The following OTOG variants were observed in gnomAD, a reference collection of about 807,000 sequenced individuals.
The protein encoded by OTOG is otogelin.
In OTOG, 296 loss-of-function variants were observed where a neutral mutation model predicts 313.8. The observed-to-expected ratio is 0.94, with a 90% confidence interval of 0.86 to 1.04. The LOEUF (loss-of-function observed/expected upper bound fraction) is 1.04. Among genes scored for constraint, OTOG ranks in the 50% least tolerant of loss-of-function variants. The pLI is 0.00. For missense variants in OTOG, 3,948 were observed against 3,840.1 expected (o/e 1.03, Z -0.74); for synonymous variants, 1,533 against 1,554.9 (o/e 0.99, Z 0.33).
At position 17,610,505 on chromosome 11, in the gene OTOG, C is replaced by T; in HGVS notation, c.5205C>T (p.Gly1735=). 1.3e-6 allele frequency: 2 copies of T among 1,550,604 alleles called. No homozygotes were observed. Among genetic ancestry groups the T allele is most frequent in the Non-Finnish European group, 1.7e-6 (2 of 1,146,970 alleles). Reference sequence around the variant, plus strand: ...AAGCCGGGCACAGCCAGCCCATGGGCTCGCCTGCCTCCCCACAGCCACACC... The same window carrying T: ...AAGCCGGGCACAGCCAGCCCATGGGTTCGCCTGCCTCCCCACAGCCACACC... ...KGEAGHSQPM[G]SPASPQPHPL... is the part of the protein sequence containing the mutation. Residue 1735 remains glycine (G), a synonymous_variant, in exon 36 of 56, where the codon GGC becomes GGT. Transcript: ENST00000399397.
At chr11:17,614,060 C>A (rs533656027) in intron 39 of OTOG, among the ~76,000 whole-genome samples, 1 of 152,146 alleles carries the variant, frequency 6.6e-6, no homozygotes, top group Non-Finnish European at 1.5e-5. Context: ...ACCAGGACCC[C>A]TACCAGGAAG....
intron 19 of OTOG, 38 bp from the exon 20 acceptor site, chr11:17,574,682 A>G: frequency 6.6e-7 from 1 of 1,525,298 alleles, no homozygotes; most frequent in Non-Finnish European, 8.9e-7. Flanking sequence ...TGTGGGGATG[A>G]GGGAGACAAA....
intron 45 of OTOG, 41 bp from the exon 46 acceptor site, chr11:17,635,039 C>A (rs1213217499): frequency 2.0e-6 from 3 of 1,536,256 alleles, no homozygotes; most frequent in Non-Finnish European, 1.8e-6. Context: ...GGTGGCCAGG[C>A]AGGTTCCTCT....
intron 32 of OTOG, 108 bp from the exon 33 acceptor site, chr11:17,605,749 C>A (rs763152522): frequency 2.4e-6 from 3 of 1,247,618 alleles, no homozygotes; most frequent in Non-Finnish European, 3.3e-6. Flanking sequence ...GGTCTGCAGG[C>A]GTGCTGCCAT....
rs7126777 is a variant in OTOG, at chr11:17,596,751, C to T, written c.3526-100C>T. On this transcript the variant is annotated intron_variant, in intron 29 of 55. Coordinates refer to ENST00000399397, the MANE Select transcript of OTOG (RefSeq NM_001292063.2). ...TGAGACAGGATAGCTCACCCTATCC[C>T]GTGGTCCCTTCATGTTGGTGCTGGT... 0.19 allele frequency: 198,125 copies of T among 1,034,200 alleles called. 19,856 individuals are homozygous for T. Among genetic ancestry groups the T allele is most frequent in the South Asian group, 0.27 (17,194 of 64,162 alleles). The allele number at this position is 1,034,200 out of a possible 1,614,324, so 64.1% of individuals were successfully genotyped here.
chr11:17,584,666 C>G (rs1852752756), intron 23 of OTOG, among the ~76,000 whole-genome samples: 1 of 152,130 alleles, frequency 6.6e-6, no homozygotes, highest in Admixed American at 6.5e-5. Flanking sequence ...GCTGGGATTA[C>G]AGGCATGGGC....
intron 25 of OTOG, among the ~76,000 whole-genome samples, chr11:17,592,703 G>A (rs1282412581): frequency 2.0e-5 from 3 of 152,102 alleles, no homozygotes; most frequent in Non-Finnish European, 4.4e-5. Context: ...TAATGCCCTC[G>A]AGTTTGCTTT....
At chr11:17,638,426 G>A in intron 47 of OTOG, 25 bp from the exon 48 acceptor site, 1 of 1,528,184 alleles carries the variant, frequency 6.5e-7, no homozygotes. Flanking sequence ...TGACTGACGT[G>A]TCAACTGCCT....
intron 15 of OTOG, among the ~76,000 whole-genome samples, chr11:17,565,416 T>C (rs1852276048): frequency 6.6e-6 from 1 of 152,220 alleles, no homozygotes; most frequent in Non-Finnish European, 1.5e-5. Context: ...TCAACATTGT[T>C]TATCACTGTT....
At position 17,593,705 on chromosome 11, in the gene OTOG, C is replaced by A; in HGVS notation, c.3237C>A (p.Leu1079=). The A allele has an allele frequency of 6.5e-7, 1 of 1,548,928 alleles. No individual in the cohort carries two copies. Among genetic ancestry groups the A allele is most frequent in the Non-Finnish European group, 8.7e-7 (1 of 1,146,982 alleles). The change falls in exon 27 of 56, where the codon CTC becomes CTA. Residue 1079 remains leucine (L), a synonymous_variant. Coordinates refer to ENST00000399397, the MANE Select transcript of OTOG (RefSeq NM_001292063.2). ...ATTTCCCACAGGAGCACATCACCCT[C>A]TTGTGGGACCAGAGAACCACAGTGC... ...LVHFPQEHIT[L]LWDQRTTVHV...
At chr11:17,642,619 A>G (rs1847999899) in intron 53 of OTOG, among the ~76,000 whole-genome samples, 1 of 152,174 alleles carries the variant, frequency 6.6e-6, no homozygotes, top group African/African-American at 2.4e-5. Context: ...TCACATAAGC[A>G]CACTCTTGCA....
In OTOG at chr11:17,612,274, T is replaced by G. The variant is rs1389161467; in HGVS notation, c.6236T>G (p.Leu2079Arg). ...GCTGCTCCCCCTCGCTGTGGGATCC[T>G]GGGCCTCGCCGTGCGGGTGGGTGGG... ...QGAAPPRCGILGLAVRVGGDR... is the reference protein window; with the variant it reads ...QGAAPPRCGIRGLAVRVGGDR... The change falls in exon 37 of 56, where the codon CTG becomes CGG. Residue 2079 changes from leucine (L) to arginine (R), a missense_variant. Leu to Arg is a moderately radical substitution (Grantham distance 102). Transcript: ENST00000399397. The G allele has an allele frequency of 6.5e-7, 1 of 1,544,632 alleles. No individual in the cohort carries two copies. The highest frequency in any genetic ancestry group is 2.4e-5 in the East Asian group (1 of 40,926).
Position 17,571,974 on chromosome 11 carries a change from CTA to C in OTOG, c.1956-104_1956-103del, listed in dbSNP as rs1318263768. On this transcript the variant is annotated intron_variant, in intron 17 of 55. Coordinates refer to ENST00000399397, the MANE Select transcript of OTOG (RefSeq NM_001292063.2). ...GTGTATATGGATGTGTAGATTATGA[CTA>C]TGTGTGTGTATATGAGCAAGTAGGT... 2.9e-5 allele frequency: 42 copies of C among 1,425,128 alleles called. 1 individual carries two copies. The highest frequency in any genetic ancestry group is 1.8e-4 in the Middle Eastern group (1 of 5,664). 88.3% of individuals were successfully genotyped at this position (1,425,128 alleles called of 1,614,324 possible).
chr11:17,566,194 A>G lies in OTOG; in HGVS notation c.1645-2962A>G, dbSNP rs12272278. On this transcript the variant is annotated intron_variant, in intron 15 of 55. Transcript: ENST00000399397. ...TCAAATTCCTTATGTAACATGGTATATAGTATTTGCATATAACCTATGCTC... is the reference window on the plus strand; with the variant it reads ...TCAAATTCCTTATGTAACATGGTATGTAGTATTTGCATATAACCTATGCTC... Among the ~76,000 whole-genome samples, 339 of 152,344 alleles carry G rather than the reference A, an allele frequency of 2.2e-3. 3 individuals are homozygous for G. The highest frequency in any genetic ancestry group is 7.7e-3 in the African/African-American group (319 of 41,572).
intron 22 of OTOG, 96 bp from the exon 23 acceptor site, chr11:17,578,277 G>A (rs1852582957): frequency 2.8e-6 from 4 of 1,408,652 alleles, no homozygotes; most frequent in Non-Finnish European, 3.7e-6. Context: ...AGACTTCCGA[G>A]CCCGTCTCTC....
intron 7 of OTOG, 54 bp from the exon 8 acceptor site, chr11:17,557,064 C>T: frequency 5.3e-6 from 8 of 1,509,910 alleles, no homozygotes; most frequent in Non-Finnish European, 7.1e-6. Flanking sequence ...GGTGAAGAGA[C>T]TGGGCTAGTG....
chr11:17,586,312 C>T (rs1300731750), intron 23 of OTOG, among the ~76,000 whole-genome samples, 162 bp from the exon 24 acceptor site: 1 of 152,204 alleles, frequency 6.6e-6, no homozygotes, highest in East Asian at 1.9e-4. Flanking sequence ...CCCTCTGAAC[C>T]TCACTGAGCA....
In OTOG at chr11:17,561,772, T is replaced by G; in HGVS notation, c.1609T>G (p.Phe537Val). The G allele has an allele frequency of 2.6e-6, 4 of 1,550,520 alleles. No individual in the cohort carries two copies. The highest frequency in any genetic ancestry group is 3.5e-6 in the Non-Finnish European group (4 of 1,146,972). Residue 537 changes from phenylalanine to valine, a missense_variant, in exon 15 of 56, where the codon TTC becomes GTC. Transcript: ENST00000399397. ...GGCCAAGAGCCGCTCTTCGGGCACCTTCACCGTGACATTGCAGAATGCCCC... is the reference window on the plus strand; with the variant it reads ...GGCCAAGAGCCGCTCTTCGGGCACCGTCACCGTGACATTGCAGAATGCCCC... ...ILAKSRSSGT[F>V]TVTLQNAPCG... is the part of the protein sequence containing the mutation.
chr11:17,558,514 C>T, intron 9 of OTOG, 24 bp from the exon 10 acceptor site: 1 of 1,550,182 alleles, frequency 6.5e-7, no homozygotes, highest in Non-Finnish European at 8.7e-7. Flanking sequence ...GCCCCTAGCC[C>T]TGGCTCCTGG....
Sources: gnomAD v4.1 joint callset for allele counts (sites outside exome capture counted in the v4.1 genomes callset) on GRCh38, gnomAD v4.1.1 for gene constraint, MANE v1.5 for transcripts, NCBI Gene and HGNC (gene_info 2026-07-23, HGNC 2026-07-21) for gene names.